The following ERLEC1 variants were observed in gnomAD, a reference collection of about 807,000 sequenced individuals.
The protein encoded by ERLEC1 is endoplasmic reticulum lectin 1, also known as ER lectin.
ERLEC1 carries 47 observed loss-of-function variants against 68.0 expected under a neutral mutation model. The observed-to-expected ratio is 0.69, with a 90% CI of 0.55 to 0.88. ERLEC1 has a LOEUF of 0.88. ERLEC1 is among the 40% of genes least tolerant of loss of function. The pLI is 0.00. For synonymous variants in ERLEC1, 225 were observed against 203.2 expected (o/e 1.11, Z -0.91); for missense variants, 567 against 583.8 (o/e 0.97, Z 0.30).
chr2:53,794,637 A>G (rs1209401035), intron 2 of ERLEC1, among the ~76,000 whole-genome samples, 188 bp downstream of exon 2: 1 of 152,110 alleles, frequency 6.6e-6, no homozygotes, highest in Non-Finnish European at 1.5e-5. Flanking sequence ...AAAAATTAGC[A>G]ATCAATTTTT....
intron 13 of ERLEC1, 60 bp downstream of exon 13, chr2:53,814,995 CTTTTTTTTTTTTTTTTT>C (rs777632156): frequency 6.2e-5 from 29 of 470,070 alleles, no homozygotes; most frequent in African/African-American, 1.2e-4. Context: ...ATTTTTTTTT[CTTTTTTTTTTTTTTTTT>C]TTTTGTTTTT....
chr2:53,793,541 C>G (rs1192990250), intron 1 of ERLEC1, among the ~76,000 whole-genome samples: 1 of 152,142 alleles, frequency 6.6e-6, no homozygotes, highest in Non-Finnish European at 1.5e-5. Flanking sequence ...TGGCCCTTTA[C>G]AAAAGTTTAA....
intron 11 of ERLEC1, among the ~76,000 whole-genome samples, chr2:53,814,189 G>A (rs975682392): frequency 6.6e-6 from 1 of 152,084 alleles, no homozygotes; most frequent in African/African-American, 2.4e-5. Flanking sequence ...GAGGACGGAA[G>A]CAAAGAACTG....
At chr2:53,787,835 C>T (rs971986144) in intron 1 of ERLEC1, among the ~76,000 whole-genome samples, 1 of 152,250 alleles carries the variant, frequency 6.6e-6, no homozygotes, top group Non-Finnish European at 1.5e-5. Flanking sequence ...TGTATACACA[C>T]ACGGACATAC....
intron 1 of ERLEC1, among the ~76,000 whole-genome samples, chr2:53,790,143 G>C (rs1675311433): frequency 6.6e-6 from 1 of 151,856 alleles, no homozygotes. Flanking sequence ...ACCCAGGCTA[G>C]AGTACAATGG....
chr2:53,817,914 T>C lies in ERLEC1; in HGVS notation c.1397T>C (p.Ile466Thr). The C allele has an allele frequency of 1.2e-6, 2 of 1,607,562 alleles. No individual in the cohort carries two copies. The highest frequency in any genetic ancestry group is 1.3e-5 in the African/African-American group (1 of 74,922). ...CTTCTTTAGGTTGAATCTCCAGTGA[T>C]CTGTAAAATCTTAGATACAGCAGAT... ...QYILGVESPV[I>T]CKILDTADEN... The change falls in exon 14 of 14, where the codon ATC (isoleucine) becomes ACC (threonine). Residue 466 changes from isoleucine (I) to threonine (T), a missense_variant. Coordinates refer to ENST00000185150, the MANE Select transcript of ERLEC1 (RefSeq NM_015701.5).
chr2:53,800,513 A>G (rs921724966), intron 6 of ERLEC1, among the ~76,000 whole-genome samples: 2 of 152,134 alleles, frequency 1.3e-5, no homozygotes, highest in African/African-American at 2.4e-5. Flanking sequence ...TAAAAATCAC[A>G]TACATATAAG....
At chr2:53,800,401 G>C (rs994705179) in intron 6 of ERLEC1, among the ~76,000 whole-genome samples, 2 of 151,918 alleles carry the variant, frequency 1.3e-5, no homozygotes, top group Admixed American at 6.6e-5. Flanking sequence ...TTATTATTCT[G>C]CTTTTACAAA....
chr2:53,791,152 C>T (rs888265115), intron 1 of ERLEC1, among the ~76,000 whole-genome samples: 4 of 152,204 alleles, frequency 2.6e-5, no homozygotes, highest in Non-Finnish European at 5.9e-5. Context: ...AACCTAATTC[C>T]TCCAGACCCA....
chr2:53,813,668 T>A (rs1676709053), intron 11 of ERLEC1, among the ~76,000 whole-genome samples: 1 of 152,232 alleles, frequency 6.6e-6, no homozygotes, highest in Non-Finnish European at 1.5e-5. Flanking sequence ...TTTTCAATTA[T>A]TCCTTCTTGT....
chr2:53,806,313 G>A (rs1354643751), intron 8 of ERLEC1, among the ~76,000 whole-genome samples: 1 of 152,156 alleles, frequency 6.6e-6, no homozygotes, highest in Admixed American at 6.5e-5. Context: ...AGAAGAAGTA[G>A]TAATAAAGGG....
Position 53,812,963 on chromosome 2 carries a change from G to A in ERLEC1, c.1116G>A (p.Gly372=). The change falls in exon 11 of 14, where the codon GGG becomes GGA. Residue 372 remains glycine (G), a synonymous_variant. Coordinates refer to ENST00000185150, the MANE Select transcript of ERLEC1 (RefSeq NM_015701.5). ...TCCCATATTAGGACAAGGATAGTGG[G>A]AAAACCTCTGTGGTTGTCGGGACAT... ...VHQYHEDKDS[G]KTSVVVGTWN... 6.2e-7 allele frequency: 1 copy of A among 1,612,430 alleles called. No individual in the cohort carries two copies. Among genetic ancestry groups the A allele is most frequent in the Non-Finnish European group, 8.5e-7 (1 of 1,179,662 alleles).
intron 2 of ERLEC1, among the ~76,000 whole-genome samples, chr2:53,795,306 T>C (rs751581264): frequency 9.2e-5 from 14 of 152,202 alleles, no homozygotes; most frequent in Non-Finnish European, 2.1e-4. Context: ...AATTTGAAAC[T>C]GACTTCCTCC....
chr2:53,802,017 C>A (rs1273981117), intron 8 of ERLEC1, among the ~76,000 whole-genome samples, 175 bp downstream of exon 8: 1 of 152,076 alleles, frequency 6.6e-6, no homozygotes, highest in Admixed American at 6.6e-5. Flanking sequence ...TCTAGTACTA[C>A]TCAAACTATT....
chr2:53,791,942 C>A (rs1675418833), intron 1 of ERLEC1, among the ~76,000 whole-genome samples: 1 of 149,678 alleles, frequency 6.7e-6, no homozygotes, highest in Non-Finnish European at 1.5e-5. Flanking sequence ...GACGGAGCCT[C>A]GCTCTTTCGC....
At chr2:53,804,942 C>A (rs1304755743) in intron 8 of ERLEC1, among the ~76,000 whole-genome samples, 1 of 149,532 alleles carries the variant, frequency 6.7e-6, no homozygotes, top group Non-Finnish European at 1.5e-5. Context: ...TTTCACTTAA[C>A]ATAATGATCT....
intron 8 of ERLEC1, 85 bp downstream of exon 8, chr2:53,801,927 G>C: frequency 3.6e-6 from 4 of 1,118,688 alleles, no homozygotes; most frequent in Non-Finnish European, 5.2e-6. Flanking sequence ...GATTTCTGTA[G>C]TATAATGGTA....
chr2:53,787,128 TCCTCCTCCA>T lies in ERLEC1; in HGVS notation c.-74_-66del. Reference sequence around the variant, plus strand: ...CCGGGCGCTTTATAGTCCCGCCGCCTCCTCCTCCACCTCCTCCTCCTCCTCCTCTCCTCC... The same window carrying T: ...CCGGGCGCTTTATAGTCCCGCCGCCTCCTCCTCCTCCTCCTCCTCTCCTCC... On this transcript the variant is annotated 5_prime_UTR_variant, in exon 1 of 14. Coordinates refer to ENST00000185150, the MANE Select transcript of ERLEC1 (RefSeq NM_015701.5). The T allele has an allele frequency of 1.6e-6, 1 of 612,222 alleles. No individual in the cohort carries two copies. The highest frequency in any genetic ancestry group is 2.4e-6 in the Non-Finnish European group (1 of 409,132). The allele number at this position is 612,222 out of a possible 1,614,324, so 37.9% of individuals were successfully genotyped here. A position where few individuals can be genotyped will look rare whatever the true frequency, so the allele number is the denominator to read the frequency against.
rs1472457954 is a variant in ERLEC1 at position 53,801,606 on chromosome 2, T to A, written c.735T>A (p.Ser245Arg). 1 of 1,613,696 alleles carries A rather than the reference T, an allele frequency of 6.2e-7. No individual in the cohort carries two copies. The highest frequency in any genetic ancestry group is 1.3e-5 in the African/African-American group (1 of 74,934). ...EVVILTPLLC[S>R]HPKYRFRASP... ...TCATTTTGACACCACTCTTGTGCAGTCATCCTAAATATAGGTAGGATGTGC... is the reference window on the plus strand; with the variant it reads ...TCATTTTGACACCACTCTTGTGCAGACATCCTAAATATAGGTAGGATGTGC... The change falls in exon 7 of 14, where the codon AGT (serine) becomes AGA (arginine). Residue 245 changes from serine to arginine, a missense_variant. Coordinates refer to ENST00000185150, the MANE Select transcript of ERLEC1 (RefSeq NM_015701.5).
Sources: gnomAD v4.1 joint callset for allele counts (sites outside exome capture counted in the v4.1 genomes callset) on GRCh38, gnomAD v4.1.1 for gene constraint, MANE v1.5 for transcripts, NCBI Gene and HGNC (gene_info 2026-07-23, HGNC 2026-07-21) for gene names.